Variants in RABL3 observed in about 807,000 individuals in gnomAD.
The protein encoded by RABL3 is RAB, member of RAS oncogene family like 3.
Under a neutral mutation model 31.8 loss-of-function variants are expected in RABL3, and 31 were observed. The observed-to-expected ratio is 0.97, with a 90% CI of 0.73 to 1.31. The LOEUF (loss-of-function observed/expected upper bound fraction) is 1.31. Ranked by LOEUF, RABL3 falls within the 40% of genes most tolerant of loss-of-function variation. The pLI is 0.00. For synonymous variants in RABL3, 97 were observed against 99.9 expected (o/e 0.97, Z 0.18); for missense variants, 263 against 279.6 (o/e 0.94, Z 0.42).
intron 6 of RABL3, among the ~76,000 whole-genome samples, chr3:120,691,116 T>C (rs1708375342): frequency 1.3e-5 from 2 of 152,308 alleles, no homozygotes; most frequent in African/African-American, 4.8e-5. Context: ...CAGATGTATC[T>C]GCACAAATCC....
chr3:120,694,021 G>A, intron 6 of RABL3, 132 bp downstream of exon 6: 1 of 581,516 alleles, frequency 1.7e-6, no homozygotes, highest in Non-Finnish European at 3.1e-6. Flanking sequence ...AGATAAGAGA[G>A]ATCAAAACAA....
chr3:120,727,738 C>CTTGGTCT (rs1708839002), intron 2 of RABL3, among the ~76,000 whole-genome samples: 2 of 152,058 alleles, frequency 1.3e-5, no homozygotes, highest in Admixed American at 1.3e-4. Context: ...ATGAAAAGAG[C>CTTGGTCT]AGCACAAGAC....
At chr3:120,730,024 A>G (rs975908611) in intron 2 of RABL3, among the ~76,000 whole-genome samples, 16 of 152,218 alleles carry the variant, frequency 1.1e-4, no homozygotes, top group Non-Finnish European at 2.2e-4. Flanking sequence ...ATTAAAAAGA[A>G]ATAATAATTA....
intron 2 of RABL3, among the ~76,000 whole-genome samples, chr3:120,720,298 G>A (rs907738831): frequency 2.6e-5 from 4 of 152,346 alleles, no homozygotes; most frequent in Non-Finnish European, 5.9e-5. Flanking sequence ...CCAAAGGAAC[G>A]CAGCTCATCA....
intron 1 of RABL3, among the ~76,000 whole-genome samples, chr3:120,740,758 ATAAC>A (rs1367296437): frequency 8.5e-5 from 13 of 152,366 alleles, no homozygotes; most frequent in Admixed American, 2.6e-4. Flanking sequence ...TAAAAAGACA[ATAAC>A]TAACTTTGCA....
chr3:120,721,202 G>A (rs1708735838), intron 2 of RABL3, among the ~76,000 whole-genome samples: 3 of 152,114 alleles, frequency 2.0e-5, no homozygotes, highest in Admixed American at 6.5e-5. Context: ...ATATGGAAAG[G>A]AACAACCGGT....
chr3:120,693,572 A>G (rs530221295), intron 6 of RABL3, among the ~76,000 whole-genome samples: 63 of 152,354 alleles, frequency 4.1e-4, no homozygotes, highest in African/African-American at 1.5e-3. Context: ...GGCTTTGTGA[A>G]GGAAAGACAA....
intron 6 of RABL3, 54 bp downstream of exon 6, chr3:120,694,099 A>T: frequency 8.4e-7 from 1 of 1,196,168 alleles, no homozygotes; most frequent in Non-Finnish European, 1.2e-6. Context: ...AAAAAATTTT[A>T]AACTCTCATA....
At chr3:120,693,607 C>G (rs1269110288) in intron 6 of RABL3, among the ~76,000 whole-genome samples, 1 of 151,878 alleles carries the variant, frequency 6.6e-6, no homozygotes, top group South Asian at 2.1e-4. Context: ...TACCAGTATG[C>G]TGAGTCATTC....
chr3:120,690,407 C>T (rs1198395533), intron 7 of RABL3, 42 bp downstream of exon 7: 1 of 1,434,522 alleles, frequency 7.0e-7, no homozygotes, highest in Non-Finnish European at 9.8e-7. Flanking sequence ...AATCACCTAT[C>T]AAAATTTAAG....
intron 1 of RABL3, among the ~76,000 whole-genome samples, chr3:120,737,920 G>A (rs982653591): frequency 3.9e-5 from 6 of 152,336 alleles, no homozygotes; most frequent in African/African-American, 1.4e-4. Flanking sequence ...GGCCATGTGA[G>A]GTGTCAGTCT....
At chr3:120,701,550 A>C (rs536537411) in intron 4 of RABL3, among the ~76,000 whole-genome samples, 1 of 152,326 alleles carries the variant, frequency 6.6e-6, no homozygotes, top group Admixed American at 6.5e-5. Context: ...CTTAAGTAGA[A>C]ATTTTAGTAG....
chr3:120,735,855 T>C (rs576601397), intron 1 of RABL3, among the ~76,000 whole-genome samples: 4 of 151,910 alleles, frequency 2.6e-5, no homozygotes, highest in South Asian at 2.1e-4. Flanking sequence ...TTGAGCGGTT[T>C]TGAGTGAGTT....
chr3:120,719,590 C>A (rs1281174741), intron 2 of RABL3, among the ~76,000 whole-genome samples: 2 of 152,198 alleles, frequency 1.3e-5, no homozygotes, highest in Non-Finnish European at 2.9e-5. Context: ...GCCCACGAAG[C>A]CTCGCTCATT....
chr3:120,742,351 G>T (rs1709056117), intron 1 of RABL3, 111 bp downstream of exon 1: 2 of 993,172 alleles, frequency 2.0e-6, no homozygotes, highest in Non-Finnish European at 3.2e-6. Context: ...CCCTGGGAGG[G>T]ACTTCAGCCA....
intron 2 of RABL3, among the ~76,000 whole-genome samples, chr3:120,718,365 TC>T (rs1708694803): frequency 6.6e-6 from 1 of 152,196 alleles, no homozygotes; most frequent in Non-Finnish European, 1.5e-5. Flanking sequence ...AAATCTGCCT[TC>T]TTTAGATGCT....
In RABL3 at chr3:120,687,147, G is replaced by A. The variant is rs931043398; in HGVS notation, c.*2676C>T. ...TTCCAGCTAAGTCTTATACACCTAAGGGACAGAGGAGTAGTCATATATATG... is the reference window on the plus strand; with the variant it reads ...TTCCAGCTAAGTCTTATACACCTAAAGGACAGAGGAGTAGTCATATATATG... On this transcript the variant is annotated 3_prime_UTR_variant, in exon 8 of 8. Coordinates refer to ENST00000273375, the MANE Select transcript of RABL3 (RefSeq NM_173825.5). 1 of 152,104 alleles carries A rather than the reference G, an allele frequency of 6.6e-6. No homozygotes were observed. Among genetic ancestry groups the A allele is most frequent in the Non-Finnish European group, 1.5e-5 (1 of 68,030 alleles). The allele number at this position is 152,104 out of a possible 1,614,324, so 9.4% of individuals were successfully genotyped here. A position where few individuals can be genotyped will look rare whatever the true frequency, so the allele number is the denominator to read the frequency against.
intron 1 of RABL3, among the ~76,000 whole-genome samples, chr3:120,732,147 G>A (rs1263593523): frequency 6.6e-6 from 1 of 152,176 alleles, no homozygotes; most frequent in African/African-American, 2.4e-5. Context: ...TGGTTATTGT[G>A]ATTATATACA....
At chr3:120,690,304 T>C in intron 7 of RABL3, 145 bp downstream of exon 7, 2 of 629,774 alleles carry the variant, frequency 3.2e-6, no homozygotes, top group Non-Finnish European at 5.7e-6. Flanking sequence ...ATTTTCTCCT[T>C]TTGTATTTAA....
Sources: gnomAD v4.1 joint callset for allele counts (sites outside exome capture counted in the v4.1 genomes callset) on GRCh38, gnomAD v4.1.1 for gene constraint, MANE v1.5 for transcripts, NCBI Gene and HGNC (gene_info 2026-07-23, HGNC 2026-07-21) for gene names.